Variants in SLC5A1 observed in about 807,000 individuals in gnomAD.
SLC5A1 encodes the protein solute carrier family 5 member 1, also known as sodium/glucose cotransporter 1.
Under a neutral mutation model 73.5 loss-of-function variants are expected in SLC5A1, and 42 were observed. The ratio of observed to expected loss-of-function variants is 0.57; its 90% CI spans 0.45 to 0.74. SLC5A1 has a LOEUF of 0.74. Among genes scored for constraint, SLC5A1 ranks in the 30% least tolerant of loss-of-function variants. SLC5A1 has a pLI of 0.00. For synonymous variants in SLC5A1, 300 were observed against 317.4 expected, an observed-to-expected ratio of 0.95 and a Z score of 0.58; for missense variants, 634 against 855.4, an observed-to-expected ratio of 0.74 and a Z score of 3.23.
intron 9 of SLC5A1, 78 bp from the exon 10 acceptor site, chr22:32,086,140 CAA>C (rs374963859): frequency 1.6e-3 from 1,224 of 758,930 alleles, no homozygotes; most frequent in East Asian, 2.0e-3. Context: ...GACTCCGTCT[CAA>C]AAAAAAAAAA....
intron 11 of SLC5A1, among the ~76,000 whole-genome samples, chr22:32,098,043 T>C (rs2094029201): frequency 6.6e-6 from 1 of 152,194 alleles, no homozygotes; most frequent in South Asian, 2.1e-4. Flanking sequence ...AAAAGATTGA[T>C]ATCAAATGTT....
intron 10 of SLC5A1, among the ~76,000 whole-genome samples, chr22:32,090,727 A>G (rs1283730450): frequency 1.4e-5 from 2 of 139,650 alleles, no homozygotes; most frequent in Non-Finnish European, 3.1e-5. Flanking sequence ...TCTTGGGTAG[A>G]GAGAAATGAA....
In SLC5A1 at chr22:32,099,310, G is replaced by A; in HGVS notation, c.1408G>A (p.Val470Ile). ...TSYLGPPIAA[V>I]FLLAIFWKRV... ...TTACTTGGGACCACCCATTGCGGCTGTCTTCCTGCTTGCTATTTTCTGGAA... is the reference window on the plus strand; with the variant it reads ...TTACTTGGGACCACCCATTGCGGCTATCTTCCTGCTTGCTATTTTCTGGAA... Residue 470 changes from valine (V) to isoleucine (I), a missense_variant, in exon 12 of 15, where the codon GTC becomes ATC. Around this residue, in one of 3 missense-constraint regions of SLC5A1, gnomAD observed 422 missense variants for 626.1 expected, o/e 0.67. Coordinates refer to ENST00000266088, the MANE Select transcript of SLC5A1 (RefSeq NM_000343.4). The A allele has an allele frequency of 1.2e-6, 2 of 1,613,384 alleles. No individual in the cohort carries two copies. The highest frequency in any genetic ancestry group is 1.7e-6 in the Non-Finnish European group (2 of 1,179,752).
chr22:32,103,820 T>C lies in SLC5A1; in HGVS notation c.1666-966T>C, dbSNP rs191675509. On this transcript the variant is annotated intron_variant, in intron 13 of 14. Transcript: ENST00000266088. ...TCTAATTGATTCAAGACTTCAAAAGTTGCAATTACTCTTCTTTAACTCTAG... is the reference window on the plus strand; with the variant it reads ...TCTAATTGATTCAAGACTTCAAAAGCTGCAATTACTCTTCTTTAACTCTAG... Among the ~76,000 whole-genome samples, 6 of 152,322 alleles carry C rather than the reference T, an allele frequency of 3.9e-5. No homozygotes were observed. In the East Asian group the frequency reaches 1.2e-3, roughly 29 times the overall value.
chr22:32,083,239 T>G, intron 7 of SLC5A1, 85 bp downstream of exon 7: 2 of 1,134,810 alleles, frequency 1.8e-6, no homozygotes, highest in Non-Finnish European at 2.6e-6. Flanking sequence ...CCTCTCTACC[T>G]GCTTGCCAGA....
intron 5 of SLC5A1, 46 bp from the exon 6 acceptor site, chr22:32,081,820 C>T: frequency 1.6e-6 from 2 of 1,220,358 alleles, no homozygotes; most frequent in Non-Finnish European, 2.4e-6. Flanking sequence ...GCCCTGTAGG[C>T]AGCTGACCAC....
At chr22:32,086,093 A>G in intron 9 of SLC5A1, 127 bp from the exon 10 acceptor site, 2 of 691,526 alleles carry the variant, frequency 2.9e-6, no homozygotes, top group Non-Finnish European at 5.4e-6. Context: ...GTGAGCCGAG[A>G]TCGTGCCACT....
chr22:32,086,395 A>C, intron 10 of SLC5A1, 68 bp downstream of exon 10: 6 of 1,034,322 alleles, frequency 5.8e-6, no homozygotes, highest in Non-Finnish European at 9.2e-6. Flanking sequence ...GGCACCACCT[A>C]CATTCCTGTG....
At chr22:32,044,268 T>C (rs2093934133) in intron 1 of SLC5A1, among the ~76,000 whole-genome samples, 1 of 152,106 alleles carries the variant, frequency 6.6e-6, no homozygotes, top group Non-Finnish European at 1.5e-5. Context: ...AGTCCAGGAG[T>C]TCGAGATCAG....
intron 5 of SLC5A1, among the ~76,000 whole-genome samples, chr22:32,079,381 A>G (rs1171653828): frequency 6.6e-6 from 1 of 152,218 alleles, no homozygotes; most frequent in African/African-American, 2.4e-5. Flanking sequence ...TTTCCTTAGA[A>G]TCCTTTATCT....
At chr22:32,092,192 A>G (rs1968489166) in intron 11 of SLC5A1, among the ~76,000 whole-genome samples, 1 of 152,178 alleles carries the variant, frequency 6.6e-6, no homozygotes, top group Non-Finnish European at 1.5e-5. Flanking sequence ...GTGAGAACAT[A>G]TGATGTTTGG....
chr22:32,071,002 C>T (rs1166355188), intron 5 of SLC5A1, among the ~76,000 whole-genome samples: 1 of 152,180 alleles, frequency 6.6e-6, no homozygotes, highest in African/African-American at 2.4e-5. Context: ...TGTTCCCCTG[C>T]CCACTAGCAG....
chr22:32,074,545 T>C (rs2093987793), intron 5 of SLC5A1, among the ~76,000 whole-genome samples: 1 of 152,168 alleles, frequency 6.6e-6, no homozygotes, highest in African/African-American at 2.4e-5. Context: ...CTCAGGAAGC[T>C]GAAGCCTGAT....
chr22:32,067,681 G>T (rs567839428), intron 3 of SLC5A1, among the ~76,000 whole-genome samples: 1 of 151,874 alleles, frequency 6.6e-6, no homozygotes, highest in African/African-American at 2.4e-5. Flanking sequence ...TCTCTAAATG[G>T]CATTTTACTC....
intron 9 of SLC5A1, among the ~76,000 whole-genome samples, chr22:32,085,894 C>T (rs1044545977): frequency 2.6e-5 from 4 of 152,122 alleles, no homozygotes; most frequent in Non-Finnish European, 5.9e-5. Context: ...GTAATCCCAG[C>T]ACTTTGGGAG....
intron 10 of SLC5A1, among the ~76,000 whole-genome samples, chr22:32,089,747 G>T (rs986563196): frequency 6.6e-6 from 1 of 152,160 alleles, no homozygotes; most frequent in African/African-American, 2.4e-5. Flanking sequence ...GAATGTTGTG[G>T]AAGGGATTCA....
At position 32,067,850 on chromosome 22, in the gene SLC5A1, G is replaced by A. The variant is rs2093976409; in HGVS notation, c.313-117G>A. On this transcript the variant is annotated intron_variant, in intron 3 of 14. Transcript: ENST00000266088. ...CAAAGGCCTCCTGCAGTCTCTAACG[G>A]CTCCTTAGGGGAGAACATGCTGGGT... 13 of 1,044,596 alleles carry A rather than the reference G, an allele frequency of 1.2e-5. 2 individuals are homozygous for A. In the African/African-American group the frequency reaches 1.3e-4, roughly 10 times the overall value. The allele number at this position is 1,044,596 out of a possible 1,614,324, so 64.7% of individuals were successfully genotyped here.
At chr22:32,060,124 T>C (rs879790735) in intron 2 of SLC5A1, among the ~76,000 whole-genome samples, 5,917 of 48,876 alleles carry the variant, frequency 0.12, 196 homozygotes, top group Non-Finnish European at 0.15. Context: ...TATATATACA[T>C]ACACACATAT....
At chr22:32,078,132 A>T (rs1273840353) in intron 5 of SLC5A1, among the ~76,000 whole-genome samples, 2 of 152,304 alleles carry the variant, frequency 1.3e-5, no homozygotes, top group Admixed American at 1.3e-4. Flanking sequence ...GGGGCTGCAG[A>T]ACATAACTGT....
Sources: allele counts gnomAD v4.1 joint callset (sites outside exome capture counted in the v4.1 genomes callset), GRCh38; gene constraint gnomAD v4.1.1; regional missense constraint gnomAD v4.1.1; transcripts MANE v1.5; gene names NCBI Gene and HGNC (gene_info 2026-07-23, HGNC 2026-07-21).